MS4A14: variants seen among roughly 807,000 people sequenced by gnomAD.
The protein encoded by MS4A14 is membrane spanning 4-domains A14.
A neutral mutation model predicts 16.7 loss-of-function variants in MS4A14; 18 were observed. That is an observed-to-expected ratio of 1.08 (90% CI 0.75 to 1.60). The LOEUF (loss-of-function observed/expected upper bound fraction) is 1.60, where lower values mean the gene tolerates loss of function less well. MS4A14 is among the 40% of genes most tolerant of loss of function. The pLI, the probability that MS4A14 is intolerant of heterozygous loss-of-function variation, is 0.00. For missense variants in MS4A14, 812 were observed against 775.3 expected, an observed-to-expected ratio of 1.05 and a Z score of -0.56; for synonymous variants, 305 against 289.4, an observed-to-expected ratio of 1.05 and a Z score of -0.55.
intron 4 of MS4A14, among the ~76,000 whole-genome samples, chr11:60,411,408 T>C (rs534388170): frequency 1.1e-4 from 17 of 152,356 alleles, no homozygotes; most frequent in Non-Finnish European, 2.2e-4. Flanking sequence ...ACACAAGATG[T>C]CTTTTCATTT....
intron 1 of MS4A14, among the ~76,000 whole-genome samples, chr11:60,397,183 G>A (rs993641733): frequency 2.6e-5 from 4 of 152,204 alleles, no homozygotes; most frequent in East Asian, 3.8e-4. Context: ...ACAGCCCAGA[G>A]ATGTGGCCTG....
chr11:60,402,061 T>C (rs2085721370), intron 3 of MS4A14, among the ~76,000 whole-genome samples: 2 of 152,160 alleles, frequency 1.3e-5, no homozygotes. Flanking sequence ...AGCTTTTCTT[T>C]GTTTTTCCTT....
In MS4A14 at chr11:60,402,955, C is replaced by T. The variant is rs76136794; in HGVS notation, c.362C>T (p.Ala121Val). The change falls in exon 4 of 5, where the codon GCG (alanine) becomes GTG (valine). Residue 121 changes from alanine (A) to valine (V), a missense_variant. Physicochemically the swap from Ala to Val is moderately conservative, Grantham distance 64 (BLOSUM62 0). Transcript: ENST00000300187. ...TGMNVISSLVAITGITFTILS... is the reference protein window; with the variant it reads ...TGMNVISSLVVITGITFTILS... ...ATGAATGTTATCAGCTCCTTGGTTG[C>T]GATAACTGGGATTACTTTCACCATT... 446 of 1,613,666 alleles carry T rather than the reference C, an allele frequency of 2.8e-4. 2 individuals carry two copies. The African/African-American group carries it at 3.2e-3, about 12-fold the overall frequency.
chr11:60,414,917 T>C (rs1004572897), intron 4 of MS4A14, among the ~76,000 whole-genome samples: 5 of 152,138 alleles, frequency 3.3e-5, no homozygotes, highest in African/African-American at 1.2e-4. Flanking sequence ...CCAGGTTGTC[T>C]CAGAATTAGG....
rs374775636 is a variant in MS4A14 at position 60,411,058 on chromosome 11, C to T, written c.469-4379C>T. On this transcript the variant is annotated intron_variant, in intron 4 of 4. Transcript: ENST00000300187. ...ACGAGGTTTCACCACATTGGCCAGGCTCATCTCGAGCTCCTGACCTCAGGT... is the reference window on the plus strand; with the variant it reads ...ACGAGGTTTCACCACATTGGCCAGGTTCATCTCGAGCTCCTGACCTCAGGT... 2.2e-4 allele frequency among the ~76,000 whole-genome samples: 34 copies of T among 152,200 alleles called. No homozygotes were observed. In the South Asian group the frequency reaches 7.1e-3, roughly 32 times the overall value.
rs1393277715 is a variant in MS4A14 at position 60,417,154 on chromosome 11, A to G, written c.*146A>G. The stretch of plus-strand genomic sequence containing the variant: ...TCCAAACCCAGCACGCAACAGCCCA[A>G]CATAACCTAGAATGTCAAGACACTC... On this transcript the variant is annotated 3_prime_UTR_variant, in exon 5 of 5. Transcript: ENST00000300187. 2.1e-5 allele frequency: 20 copies of G among 945,804 alleles called. No homozygotes were observed. The highest frequency in any genetic ancestry group is 3.0e-5 in the Non-Finnish European group (20 of 659,346). The allele number at this position is 945,804 out of a possible 1,614,324, so 58.6% of individuals were successfully genotyped here. A position where few individuals can be genotyped will look rare whatever the true frequency, so the allele number is the denominator to read the frequency against.
chr11:60,404,582 T>C (rs1218752279), intron 4 of MS4A14: 1 of 456,994 alleles, frequency 2.2e-6, no homozygotes, highest in Non-Finnish European at 4.4e-6. Flanking sequence ...CTCCAGCCAC[T>C]TCCTATAATC....
chr11:60,405,691 C>T (rs897065310), intron 4 of MS4A14, among the ~76,000 whole-genome samples: 2 of 152,142 alleles, frequency 1.3e-5, no homozygotes, highest in African/African-American at 2.4e-5. Flanking sequence ...TGCCCAGCTC[C>T]CATGGACATT....
Position 60,415,628 on chromosome 11 carries a change from A to G in MS4A14, c.660A>G (p.Gln220=), listed in dbSNP as rs1565180456. Residue 220 remains glutamine, a synonymous_variant, in exon 5 of 5, where the codon CAA becomes CAG. Transcript: ENST00000300187. ...TCTCTAGGAGTCCTTTAGTCTCCCA[A>G]CCAGGTAATAAAGGTAGAGAATTTG... ...LTLSRSPLVS[Q]PGNKGREFVP... 1.2e-6 allele frequency: 2 copies of G among 1,613,846 alleles called. No individual in the cohort carries two copies. Among genetic ancestry groups the G allele is most frequent in the South Asian group, 2.2e-5 (2 of 91,070 alleles).
At chr11:60,399,036 A>G (rs2085671219) in intron 2 of MS4A14, among the ~76,000 whole-genome samples, 1 of 152,192 alleles carries the variant, frequency 6.6e-6, no homozygotes, top group Non-Finnish European at 1.5e-5. Flanking sequence ...ATATTTACTG[A>G]GCACATACCG....
chr11:60,416,341 A>T lies in MS4A14; in HGVS notation c.1373A>T (p.Gln458Leu). ...CAGCAAATTTTACAAATGTCATATC[A>T]AGATATTAGATCAGAAGTTATGGAA... ...QNQQILQMSY[Q>L]DIRSEVMEET... Residue 458 changes from glutamine (Q) to leucine (L), a missense_variant, in exon 5 of 5, where the codon CAA becomes CTA. Coordinates refer to ENST00000300187, the MANE Select transcript of MS4A14 (RefSeq NM_032597.5). The T allele has an allele frequency of 1.2e-6, 2 of 1,614,046 alleles. No individual in the cohort carries two copies. Among genetic ancestry groups the T allele is most frequent in the Non-Finnish European group, 1.7e-6 (2 of 1,179,960 alleles).
intron 4 of MS4A14, among the ~76,000 whole-genome samples, chr11:60,404,820 AT>A (rs2135133740): frequency 6.6e-6 from 1 of 152,336 alleles, no homozygotes; most frequent in African/African-American, 2.4e-5. Flanking sequence ...CACAGCATTT[AT>A]CACAATTTAG....
At chr11:60,406,731 A>G (rs1348743981) in intron 4 of MS4A14, among the ~76,000 whole-genome samples, 1 of 152,144 alleles carries the variant, frequency 6.6e-6, no homozygotes, top group African/African-American at 2.4e-5. Context: ...AAATGTACCT[A>G]TGTTTAGCTA....
intron 4 of MS4A14, among the ~76,000 whole-genome samples, chr11:60,405,053 T>C (rs76706229): frequency 0.011 from 1,661 of 152,208 alleles, 28 homozygotes; most frequent in African/African-American, 0.038. Flanking sequence ...CAGTTATTTG[T>C]TCAAGGTTAA....
At chr11:60,400,135 G>A (rs918368425) in intron 2 of MS4A14, among the ~76,000 whole-genome samples, 1 of 152,092 alleles carries the variant, frequency 6.6e-6, no homozygotes, top group African/African-American at 2.4e-5. Flanking sequence ...GCCCCAGCCG[G>A]ATCAAACATC....
At chr11:60,404,760 T>C (rs143893498) in intron 4 of MS4A14, 1 of 355,408 alleles carries the variant, frequency 2.8e-6, no homozygotes, top group Admixed American at 3.7e-5. Context: ...TCTATGCTCA[T>C]ATCTGCATAG....
At chr11:60,405,833 A>G in intron 4 of MS4A14, 1 of 1,314,580 alleles carries the variant, frequency 7.6e-7, no homozygotes, top group Non-Finnish European at 1.1e-6. Flanking sequence ...CAGCTTATAT[A>G]TTTAAAATAA....
At chr11:60,407,236 C>A (rs4939354) in intron 4 of MS4A14, among the ~76,000 whole-genome samples, 3 of 151,750 alleles carry the variant, frequency 2.0e-5, no homozygotes, top group Non-Finnish European at 2.9e-5. Flanking sequence ...GCCCAGGCTG[C>A]TCTCAAACTC....
At chr11:60,405,794 A>G in intron 4 of MS4A14, 2 of 875,400 alleles carry the variant, frequency 2.3e-6, no homozygotes, top group Non-Finnish European at 3.5e-6. Flanking sequence ...TGGGTTTCCC[A>G]TACTTGGTGA....
Sources: gnomAD v4.1 joint callset for allele counts (sites outside exome capture counted in the v4.1 genomes callset) on GRCh38, gnomAD v4.1.1 for gene constraint, MANE v1.5 for transcripts, NCBI Gene and HGNC (gene_info 2026-07-23, HGNC 2026-07-21) for gene names.